Variants in LRRC36 observed in about 807,000 individuals in gnomAD.
LRRC36 encodes leucine rich repeat containing 36, also known as leucine-rich repeat-containing protein 36.
LRRC36 carries 62 observed loss-of-function variants against 81.1 expected under a neutral mutation model. That is an observed-to-expected ratio of 0.76 (90% CI 0.62 to 0.94). The LOEUF is 0.94. LRRC36 is among the 40% of genes least tolerant of loss of function. The pLI is 0.00. For missense variants in LRRC36, 761 were observed against 881.7 expected (o/e 0.86, Z 1.73); for synonymous variants, 334 against 348.6 (o/e 0.96, Z 0.47).
chr16:67,336,440 A>G (rs1442505496), intron 1 of LRRC36, among the ~76,000 whole-genome samples: 3 of 152,210 alleles, frequency 2.0e-5, no homozygotes, highest in Non-Finnish European at 4.4e-5. Flanking sequence ...CCCACCCCCA[A>G]TGAATGAGAG....
intron 3 of LRRC36, among the ~76,000 whole-genome samples, chr16:67,346,782 C>T (rs1215904942): frequency 1.3e-5 from 2 of 152,160 alleles, no homozygotes; most frequent in East Asian, 3.8e-4. Context: ...AAAGCTAATA[C>T]AATTTATTTG....
intron 2 of LRRC36, among the ~76,000 whole-genome samples, chr16:67,344,778 CAG>C (rs2038264946): frequency 1.3e-5 from 2 of 152,098 alleles, no homozygotes; most frequent in South Asian, 4.2e-4. Flanking sequence ...AAATACAAAA[CAG>C]AAAGAAATGC....
chr16:67,373,524 C>T lies in LRRC36; in HGVS notation c.1495-1723C>T, dbSNP rs180848692. ...GAGTTTGAGCCCATCCTGGCCAACA[C>T]GGTGAAACCCCATCTCTACTAAAAA... On this transcript the variant is annotated intron_variant, in intron 9 of 13. Transcript: ENST00000329956. 5.6e-3 allele frequency among the ~76,000 whole-genome samples: 847 copies of T among 150,454 alleles called. 24 individuals are homozygous for T. The highest frequency in any genetic ancestry group is 2.0e-3 in the Non-Finnish European group (132 of 67,672).
intron 1 of LRRC36, among the ~76,000 whole-genome samples, chr16:67,327,476 G>C (rs1167270763): frequency 6.6e-6 from 1 of 152,136 alleles, no homozygotes; most frequent in African/African-American, 2.4e-5. Context: ...CTGGGCGACA[G>C]AGCGAGACTC....
chr16:67,364,873 T>C (rs887566303), intron 6 of LRRC36, among the ~76,000 whole-genome samples: 2 of 152,194 alleles, frequency 1.3e-5, no homozygotes, highest in African/African-American at 4.8e-5. Flanking sequence ...CCTAGATGGC[T>C]TTCTGTTTTC....
At chr16:67,333,110 T>C (rs1355745792) in intron 1 of LRRC36, among the ~76,000 whole-genome samples, 1 of 152,044 alleles carries the variant, frequency 6.6e-6, no homozygotes, top group Non-Finnish European at 1.5e-5. Context: ...ATAATTCACA[T>C]ACTATAAAGT....
intron 5 of LRRC36, among the ~76,000 whole-genome samples, chr16:67,363,201 C>T (rs1319095852): frequency 6.6e-6 from 1 of 152,128 alleles, no homozygotes; most frequent in African/African-American, 2.4e-5. Flanking sequence ...GAGTCTATTC[C>T]CAGCATCTCC....
intron 9 of LRRC36, 47 bp downstream of exon 9, chr16:67,371,289 G>A (rs192230334): frequency 1.7e-5 from 28 of 1,607,528 alleles, no homozygotes; most frequent in Middle Eastern, 1.7e-4. Context: ...GGTCAGGTTC[G>A]AGACCAGAAT....
chr16:67,346,460 C>A lies in LRRC36; in HGVS notation c.391+12C>A. 6.5e-7 allele frequency: 1 copy of A among 1,536,558 alleles called. No individual in the cohort carries two copies. The stretch of plus-strand genomic sequence containing the variant: ...TCTGGAGAAATTAGGTAAGACCTTC[C>A]TTCTCTGTTCCTGTCCACAGAATCT... On this transcript the variant is annotated intron_variant, in intron 3 of 13. Coordinates refer to ENST00000329956, the MANE Select transcript of LRRC36 (RefSeq NM_018296.6).
chr16:67,355,730 CT>C (rs1177625628), intron 5 of LRRC36, among the ~76,000 whole-genome samples: 2 of 152,174 alleles, frequency 1.3e-5, no homozygotes, highest in African/African-American at 4.8e-5. Flanking sequence ...TCAAACTGGA[CT>C]CCTGTTCTCA....
rs2037194345 is a variant in LRRC36 at position 67,326,849 on chromosome 16, A to G, written c.-14A>G. ...GTGGTCTCGCGGGCGGTGGCAGGTG[A>G]GCGGCGGGCGGGGATGGCGGAGCAA... On this transcript the variant is annotated 5_prime_UTR_variant, in exon 1 of 14. Coordinates refer to ENST00000329956, the MANE Select transcript of LRRC36 (RefSeq NM_018296.6). 1.4e-6 allele frequency: 2 copies of G among 1,425,632 alleles called. No homozygotes were observed. Among genetic ancestry groups the G allele is most frequent in the Non-Finnish European group, 1.8e-6 (2 of 1,098,910 alleles). The allele number at this position is 1,425,632 out of a possible 1,614,324, so 88.3% of individuals were successfully genotyped here. A position where few individuals can be genotyped will look rare whatever the true frequency, so the allele number is the denominator to read the frequency against.
intron 12 of LRRC36, among the ~76,000 whole-genome samples, chr16:67,379,736 T>C (rs1324200429): frequency 6.6e-6 from 1 of 152,124 alleles, no homozygotes; most frequent in Non-Finnish European, 1.5e-5. Context: ...TGTGTCCTGG[T>C]TTTAAAAAAT....
chr16:67,365,908 T>C (rs541316244), intron 7 of LRRC36, among the ~76,000 whole-genome samples: 8 of 152,090 alleles, frequency 5.3e-5, no homozygotes, highest in African/African-American at 1.7e-4. Flanking sequence ...TTTAAATCTA[T>C]CCATTAATTT....
chr16:67,378,971 GAC>G (rs2142173716), intron 12 of LRRC36, among the ~76,000 whole-genome samples: 1 of 152,274 alleles, frequency 6.6e-6, no homozygotes, highest in African/African-American at 2.4e-5. Flanking sequence ...TTTTGAGAAT[GAC>G]ACATGCTTTT....
rs141550244 is a variant in LRRC36, at chr16:67,341,991, T to G, written c.105T>G (p.Tyr35Ter). ...AGTCTCTTTCATTGCAGGGATCTTA[T>G]GCTGGCAAAATCCATTCCATTGGTG... ...LVESLSLQGS[Y>*]AGKIHSIGDA... The change falls in exon 2 of 14, where the codon TAT (tyrosine) becomes TAG (stop). Residue 35 changes from tyrosine to a stop codon, truncating the protein, a stop_gained. Transcript: ENST00000329956. LOFTEE classifies it high-confidence loss of function. 1 of 1,611,492 alleles carries G rather than the reference T, an allele frequency of 6.2e-7. No individual in the cohort carries two copies. The highest frequency in any genetic ancestry group is 8.5e-7 in the Non-Finnish European group (1 of 1,178,280).
At chr16:67,339,800 C>G (rs2037943715) in intron 1 of LRRC36, among the ~76,000 whole-genome samples, 2 of 151,398 alleles carry the variant, frequency 1.3e-5, no homozygotes, top group Non-Finnish European at 3.0e-5. Flanking sequence ...ACTAATTTCT[C>G]CGTGGTATGG....
chr16:67,346,139 C>A, intron 2 of LRRC36, 117 bp from the exon 3 acceptor site: 1 of 650,910 alleles, frequency 1.5e-6, no homozygotes, highest in Non-Finnish European at 2.5e-6. Flanking sequence ...CTGCCTTTCT[C>A]ACGGGGACTT....
intron 5 of LRRC36, among the ~76,000 whole-genome samples, chr16:67,357,510 C>G (rs2038954676): frequency 1.3e-5 from 2 of 152,090 alleles, no homozygotes. Context: ...GAGATTAACA[C>G]TGAGAGGAAG....
chr16:67,333,963 A>AT (rs2037625217), intron 1 of LRRC36, among the ~76,000 whole-genome samples: 1 of 152,072 alleles, frequency 6.6e-6, no homozygotes, highest in Non-Finnish European at 1.5e-5. Context: ...ATTAGAGCTC[A>AT]TTTTTTGTGT....
Sources: gnomAD v4.1 joint callset for allele counts (sites outside exome capture counted in the v4.1 genomes callset) on GRCh38, gnomAD v4.1.1 for gene constraint, MANE v1.5 for transcripts, NCBI Gene and HGNC (gene_info 2026-07-23, HGNC 2026-07-21) for gene names.